MAN2A1: variants seen among roughly 807,000 people sequenced by gnomAD.
MAN2A1 encodes mannosidase alpha class 2A member 1, also known as alpha-mannosidase 2.
A neutral mutation model predicts 142.6 loss-of-function variants in MAN2A1; 76 were observed. The ratio of observed to expected loss-of-function variants is 0.53; its 90% CI spans 0.44 to 0.65. The LOEUF (loss-of-function observed/expected upper bound fraction) is 0.65, where lower values mean the gene tolerates loss of function less well. Ranked by LOEUF, MAN2A1 falls within the 30% of genes least tolerant of loss-of-function variation. MAN2A1 has a pLI of 0.00. For synonymous variants in MAN2A1, 559 were observed against 473.2 expected (o/e 1.18, Z -2.35); for missense variants, 1,311 against 1,365.1 (o/e 0.96, Z 0.62).
intron 20 of MAN2A1, among the ~76,000 whole-genome samples, chr5:109,857,588 C>T (rs1755656664): frequency 6.6e-6 from 1 of 152,158 alleles, no homozygotes; most frequent in Admixed American, 6.5e-5. Flanking sequence ...GCAGCTGGAG[C>T]TGACTAGAGT....
At chr5:109,762,317 A>G (rs979538479) in intron 5 of MAN2A1, among the ~76,000 whole-genome samples, 2 of 152,084 alleles carry the variant, frequency 1.3e-5, no homozygotes, top group Non-Finnish European at 1.5e-5. Context: ...GCTAAAAGGT[A>G]TTTTGTGTTT....
intron 4 of MAN2A1, among the ~76,000 whole-genome samples, chr5:109,754,789 G>A (rs1222402287): frequency 1.3e-5 from 2 of 152,198 alleles, no homozygotes; most frequent in Non-Finnish European, 2.9e-5. Context: ...ATCACCTGAG[G>A]CTGGGGGTTC....
At chr5:109,783,594 TACAA>T (rs777061088) in intron 9 of MAN2A1, among the ~76,000 whole-genome samples, 6 of 152,178 alleles carry the variant, frequency 3.9e-5, no homozygotes, top group Non-Finnish European at 5.9e-5. Context: ...TGCATCATTT[TACAA>T]ACAAAGTATT....
chr5:109,695,479 G>T (rs767643323), intron 1 of MAN2A1, among the ~76,000 whole-genome samples: 8 of 152,348 alleles, frequency 5.3e-5, no homozygotes, highest in East Asian at 3.9e-4. Flanking sequence ...GGACTGAAGT[G>T]TTGAGAGTTT....
At chr5:109,744,560 C>CT (rs1305636756) in intron 4 of MAN2A1, among the ~76,000 whole-genome samples, 1 of 152,036 alleles carries the variant, frequency 6.6e-6, no homozygotes, top group Non-Finnish European at 1.5e-5. Flanking sequence ...ATCAAAACTT[C>CT]TAGAAGATAC....
At chr5:109,742,951 A>G (rs575674976) in intron 4 of MAN2A1, among the ~76,000 whole-genome samples, 1 of 152,268 alleles carries the variant, frequency 6.6e-6, no homozygotes, top group East Asian at 1.9e-4. Flanking sequence ...CCCTTCAACC[A>G]CTGGCATCTA....
At chr5:109,717,888 A>T (rs1208771295) in intron 3 of MAN2A1, among the ~76,000 whole-genome samples, 1 of 152,238 alleles carries the variant, frequency 6.6e-6, no homozygotes, top group Non-Finnish European at 1.5e-5. Context: ...TTGAGTGCAG[A>T]TTAGTTAGTA....
At chr5:109,712,578 C>T (rs1357381283) in intron 1 of MAN2A1, among the ~76,000 whole-genome samples, 1 of 151,986 alleles carries the variant, frequency 6.6e-6, no homozygotes, top group Non-Finnish European at 1.5e-5. Context: ...TAATGAGTAT[C>T]CAGAGTTGTT....
chr5:109,721,127 G>T (rs2043831), intron 3 of MAN2A1, among the ~76,000 whole-genome samples: 58,261 of 151,904 alleles, frequency 0.38, 12,117 homozygotes, highest in African/African-American at 0.55. Context: ...AACAGGTGAG[G>T]GCAGCGAGGC....
intron 20 of MAN2A1, among the ~76,000 whole-genome samples, chr5:109,858,273 A>G (rs1338988818): frequency 6.6e-6 from 1 of 152,240 alleles, no homozygotes; most frequent in Non-Finnish European, 1.5e-5. Flanking sequence ...CAGTTGTTTA[A>G]AAGCCCACTA....
At chr5:109,699,454 A>G (rs759841746) in intron 1 of MAN2A1, 1 of 152,240 alleles carries the variant, frequency 6.6e-6, no homozygotes, top group African/African-American at 2.4e-5. Context: ...GAAAATTGCA[A>G]AGAGTAGATT....
chr5:109,795,905 T>A (rs1284025352), intron 12 of MAN2A1, among the ~76,000 whole-genome samples: 1 of 152,182 alleles, frequency 6.6e-6, no homozygotes, highest in Non-Finnish European at 1.5e-5. Context: ...TCATTCCTTT[T>A]CAGTGCCCAT....
chr5:109,729,906 G>A (rs1302115395), intron 4 of MAN2A1, among the ~76,000 whole-genome samples: 2 of 152,044 alleles, frequency 1.3e-5, no homozygotes, highest in Non-Finnish European at 2.9e-5. Context: ...GCACGACAAT[G>A]CTTGGACCCA....
rs559857733 is a variant in MAN2A1 at position 109,852,006 on chromosome 5, G to A, written c.2977-3134G>A. 3.4e-4 allele frequency among the ~76,000 whole-genome samples: 51 copies of A among 152,068 alleles called. 1 individual carries two copies. Among genetic ancestry groups the A allele is most frequent in the African/African-American group, 9.2e-4 (38 of 41,498 alleles). On this transcript the variant is annotated intron_variant, in intron 19 of 21. Coordinates refer to ENST00000261483, the MANE Select transcript of MAN2A1 (RefSeq NM_002372.4). ...ACCCACAACTCAGCTCCAGCTGATT[G>A]TTTCCACAATAGGACTGAATGCCTG...
chr5:109,865,774 T>C (rs72814838), intron 21 of MAN2A1, among the ~76,000 whole-genome samples: 7,313 of 152,308 alleles, frequency 0.048, 231 homozygotes, highest in Non-Finnish European at 0.072. Flanking sequence ...CTGCCTATTG[T>C]TTATTTCTCT....
chr5:109,786,979 C>T (rs1225931497), intron 10 of MAN2A1, among the ~76,000 whole-genome samples: 1 of 151,898 alleles, frequency 6.6e-6, no homozygotes, highest in Admixed American at 6.6e-5. Context: ...AATCTGAGAG[C>T]ATGCTGTCAA....
chr5:109,798,673 T>TGTTTG (rs1475615420), intron 12 of MAN2A1, among the ~76,000 whole-genome samples: 1 of 144,052 alleles, frequency 6.9e-6, no homozygotes, highest in Non-Finnish European at 1.5e-5. Context: ...TTTGTTTGTT[T>TGTTTG]GTTTTGTTTT....
At chr5:109,757,502 T>C (rs1009537473) in intron 5 of MAN2A1, among the ~76,000 whole-genome samples, 6 of 152,300 alleles carry the variant, frequency 3.9e-5, no homozygotes, top group Non-Finnish European at 7.4e-5. Context: ...GAAGAAGAAT[T>C]TATTAGTATA....
At chr5:109,747,938 A>G (rs772325387) in intron 4 of MAN2A1, among the ~76,000 whole-genome samples, 4 of 152,126 alleles carry the variant, frequency 2.6e-5, no homozygotes, top group Admixed American at 1.3e-4. Context: ...TTGCTGTTTT[A>G]TTATTTTAAG....
Sources: gnomAD v4.1 joint callset for allele counts (sites outside exome capture counted in the v4.1 genomes callset) on GRCh38, gnomAD v4.1.1 for gene constraint, MANE v1.5 for transcripts, NCBI Gene and HGNC (gene_info 2026-07-23, HGNC 2026-07-21) for gene names.